ANP32B: variants seen among roughly 807,000 people sequenced by gnomAD.
The protein encoded by ANP32B is acidic leucine-rich nuclear phosphoprotein 32 family member B.
ANP32B carries 6 observed loss-of-function variants against 32.2 expected under a neutral mutation model. The observed-to-expected ratio is 0.19, with a 90% confidence interval of 0.10 to 0.37. The LOEUF (loss-of-function observed/expected upper bound fraction) is 0.37. Ranked by LOEUF, ANP32B falls within the 10% of genes least tolerant of loss-of-function variation. The probability of loss-of-function intolerance (pLI) is 1.00; values close to 1 mark genes in which losing one functional copy is unlikely to be tolerated. For missense variants in ANP32B, 204 were observed against 289.2 expected (o/e 0.71, Z 2.14); for synonymous variants, 98 against 105.8 (o/e 0.93, Z 0.45).
chr9:97,986,477 A>G (rs887723895), intron 1 of ANP32B: 1 of 152,248 alleles, frequency 6.6e-6, no homozygotes. Flanking sequence ...TTGGGCGAAT[A>G]AAACTTTGAC....
At position 98,015,930 on chromosome 9, in the gene ANP32B, T is replaced by C; in HGVS notation, c.*499T>C. ...TAAGAATTTAAGCGAAATAAACAGT[T>C]ACTCTTTGGTAAAGCCTAGTTGTAT... On this transcript the variant is annotated 3_prime_UTR_variant, in exon 7 of 7. Transcript: ENST00000339399. 2.0e-6 allele frequency: 2 copies of C among 982,550 alleles called. No homozygotes were observed. The highest frequency in any genetic ancestry group is 2.4e-6 in the Non-Finnish European group (2 of 826,908). 60.9% of individuals were successfully genotyped at this position (982,550 alleles called of 1,614,324 possible). A position where few individuals can be genotyped will look rare whatever the true frequency, so the allele number is the denominator to read the frequency against.
chr9:97,986,956 A>G (rs566100559), intron 1 of ANP32B: 2 of 152,358 alleles, frequency 1.3e-5, no homozygotes, highest in African/African-American at 2.4e-5. Flanking sequence ...TTTATTGTGT[A>G]TATGGCTTTT....
chr9:97,991,542 A>G (rs1387130760), intron 1 of ANP32B, among the ~76,000 whole-genome samples: 1 of 152,214 alleles, frequency 6.6e-6, no homozygotes, highest in Admixed American at 6.5e-5. Flanking sequence ...ATCCTCAAGA[A>G]CAAGATAAAT....
intron 4 of ANP32B, among the ~76,000 whole-genome samples, chr9:98,006,997 A>C (rs1587879337): frequency 6.6e-6 from 1 of 152,056 alleles, no homozygotes; most frequent in Admixed American, 6.6e-5. Context: ...CAAAAAACAA[A>C]CAAACAAAAA....
At chr9:98,000,666 G>A (rs2131586759) in intron 3 of ANP32B, among the ~76,000 whole-genome samples, 1 of 152,110 alleles carries the variant, frequency 6.6e-6, no homozygotes. Flanking sequence ...GTTCACGCCT[G>A]TAATCCCAGC....
chr9:98,002,021 A>G (rs370386376), intron 3 of ANP32B, among the ~76,000 whole-genome samples: 1 of 152,270 alleles, frequency 6.6e-6, no homozygotes, highest in African/African-American at 2.4e-5. Context: ...GGGTCCCGCC[A>G]TTCTGCTATA....
chr9:97,990,402 T>A (rs565908018), intron 1 of ANP32B, among the ~76,000 whole-genome samples: 1 of 152,352 alleles, frequency 6.6e-6, no homozygotes, highest in Non-Finnish European at 1.5e-5. Context: ...TATCCTTGGG[T>A]ACAGCCCTAA....
At chr9:97,989,531 T>A (rs1323827723) in intron 1 of ANP32B, among the ~76,000 whole-genome samples, 1 of 152,076 alleles carries the variant, frequency 6.6e-6, no homozygotes, top group Admixed American at 6.6e-5. Context: ...TCCCTCAGAT[T>A]TAAGCACAAA....
intron 6 of ANP32B, among the ~76,000 whole-genome samples, chr9:98,012,762 G>A (rs766844792): frequency 1.3e-5 from 2 of 152,110 alleles, no homozygotes; most frequent in Non-Finnish European, 2.9e-5. Flanking sequence ...ACGGAATCTC[G>A]CTCTGTTGCC....
intron 4 of ANP32B, among the ~76,000 whole-genome samples, chr9:98,005,656 C>G (rs572676947): frequency 6.6e-6 from 1 of 152,322 alleles, no homozygotes; most frequent in South Asian, 2.1e-4. Context: ...CACCTGGCCT[C>G]AAGGGATCCT....
chr9:97,998,683 G>A lies in ANP32B; in HGVS notation c.327+5G>A. On this transcript the variant is annotated splice_donor_5th_base_variant and intron_variant, in intron 3 of 6. Coordinates refer to ENST00000339399, the MANE Select transcript of ANP32B (RefSeq NM_006401.3). Reference sequence around the variant, plus strand: ...ATCAGCACCTTGGAACCTTTGGTAAGTAACTGAGAATTTGGAAACTGGAAC... The same window carrying A: ...ATCAGCACCTTGGAACCTTTGGTAAATAACTGAGAATTTGGAAACTGGAAC... 2 of 1,518,800 alleles carry A rather than the reference G, an allele frequency of 1.3e-6. No homozygotes were observed. Among genetic ancestry groups the A allele is most frequent in the Non-Finnish European group, 1.8e-6 (2 of 1,132,208 alleles). The allele number at this position is 1,518,800 out of a possible 1,614,324, so 94.1% of individuals were successfully genotyped here. A position where few individuals can be genotyped will look rare whatever the true frequency, so the allele number is the denominator to read the frequency against.
intron 4 of ANP32B, among the ~76,000 whole-genome samples, chr9:98,010,416 G>C (rs1828163741): frequency 6.6e-6 from 1 of 151,838 alleles, no homozygotes; most frequent in African/African-American, 2.4e-5. Context: ...AACCCTATCT[G>C]TACAGAAAAA....
chr9:97,983,804 C>T (rs893536490), intron 1 of ANP32B, among the ~76,000 whole-genome samples, 195 bp downstream of exon 1: 5 of 151,264 alleles, frequency 3.3e-5, no homozygotes, highest in Non-Finnish European at 5.9e-5. Flanking sequence ...GCCCGCGGGC[C>T]CCTGGGGCGG....
intron 4 of ANP32B, among the ~76,000 whole-genome samples, chr9:98,010,959 T>C (rs1828172982): frequency 6.6e-6 from 1 of 152,188 alleles, no homozygotes. Flanking sequence ...TGGTCATAGC[T>C]GATCTTATTT....
At chr9:97,985,825 G>T (rs1261289453) in intron 1 of ANP32B, among the ~76,000 whole-genome samples, 1 of 151,664 alleles carries the variant, frequency 6.6e-6, no homozygotes, top group Non-Finnish European at 1.5e-5. Flanking sequence ...TCTTTTTTCT[G>T]TTTTTCTTTT....
chr9:97,996,692 C>T (rs1308453664), intron 2 of ANP32B, among the ~76,000 whole-genome samples: 1 of 152,044 alleles, frequency 6.6e-6, no homozygotes. Context: ...CTCCCAGGTT[C>T]AAGCGATTCT....
chr9:98,002,841 G>A (rs777369304), intron 3 of ANP32B, among the ~76,000 whole-genome samples: 3 of 152,164 alleles, frequency 2.0e-5, no homozygotes, highest in Non-Finnish European at 4.4e-5. Flanking sequence ...GGTTGTATGT[G>A]TTTTTGTGCA....
intron 5 of ANP32B, among the ~76,000 whole-genome samples, chr9:98,012,129 A>T (rs1828195780): frequency 6.6e-6 from 1 of 152,192 alleles, no homozygotes; most frequent in African/African-American, 2.4e-5. Flanking sequence ...CTGTTTTGAA[A>T]TTTGAGATTT....
At chr9:97,985,725 CAGTT>C (rs1827717081) in intron 1 of ANP32B, among the ~76,000 whole-genome samples, 1 of 152,230 alleles carries the variant, frequency 6.6e-6, no homozygotes, top group Non-Finnish European at 1.5e-5. Context: ...CTGGGAAACA[CAGTT>C]GGTCTGCTGT....
Sources: gnomAD v4.1 joint callset for allele counts (sites outside exome capture counted in the v4.1 genomes callset) on GRCh38, gnomAD v4.1.1 for gene constraint, MANE v1.5 for transcripts, NCBI Gene and HGNC (gene_info 2026-07-23, HGNC 2026-07-21) for gene names.